GBF1: variants seen among roughly 807,000 people sequenced by gnomAD.
GBF1 encodes Golgi-specific brefeldin A-resistance guanine nucleotide exchange factor 1.
In GBF1, 114 loss-of-function variants were observed where a neutral mutation model predicts 210.5. The observed-to-expected ratio is 0.54, with a 90% confidence interval of 0.47 to 0.63. The LOEUF (loss-of-function observed/expected upper bound fraction) is 0.63, where lower values mean the gene tolerates loss of function less well. Ranked by LOEUF, GBF1 falls within the 30% of genes least tolerant of loss-of-function variation. The pLI, the probability that GBF1 is intolerant of heterozygous loss-of-function variation, is 0.00. For synonymous variants in GBF1, 850 were observed against 889.2 expected (o/e 0.96, Z 0.78); for missense variants, 1,851 against 2,357.7 (o/e 0.79, Z 4.45).
intron 3 of GBF1, among the ~76,000 whole-genome samples, chr10:102,265,618 G>A (rs538018201): frequency 6.6e-6 from 1 of 152,246 alleles, no homozygotes; most frequent in South Asian, 2.1e-4. Context: ...CCAGGAGTTC[G>A]AGGTTACAGT....
intron 24 of GBF1, 26 bp downstream of exon 24, chr10:102,369,413 GC>G (rs745824172): frequency 6.4e-7 from 1 of 1,568,604 alleles, no homozygotes; most frequent in Non-Finnish European, 8.8e-7. Flanking sequence ...AGACTAGTGA[GC>G]GATAACAAGG....
rs2059044925 is a variant in GBF1, at chr10:102,352,392, T to C, written c.524-66T>C. 4 of 1,108,794 alleles carry C rather than the reference T, an allele frequency of 3.6e-6. No homozygotes were observed. In the Admixed American group the frequency reaches 6.8e-5, roughly 19 times the overall value. 68.7% of individuals were successfully genotyped at this position (1,108,794 alleles called of 1,614,324 possible). A position where few individuals can be genotyped will look rare whatever the true frequency, so the allele number is the denominator to read the frequency against. On this transcript the variant is annotated intron_variant, in intron 6 of 39. Transcript: ENST00000369983. ...ACAAGGTTTGGAGGGGAGTCTGCTC[T>C]GAGAACCCTCTTGATAATAGCACAG...
intron 4 of GBF1, among the ~76,000 whole-genome samples, chr10:102,347,893 G>C (rs1270844944): frequency 6.6e-6 from 1 of 152,012 alleles, no homozygotes; most frequent in African/African-American, 2.4e-5. Flanking sequence ...CCTTGCCTAT[G>C]GTTCTTGTCA....
At chr10:102,314,779 C>G (rs985727789) in intron 3 of GBF1, among the ~76,000 whole-genome samples, 1 of 152,166 alleles carries the variant, frequency 6.6e-6, no homozygotes, top group Non-Finnish European at 1.5e-5. Flanking sequence ...TCTCAAACCT[C>G]CTTTTCTTCC....
At chr10:102,264,952 T>C (rs1490410777) in intron 3 of GBF1, among the ~76,000 whole-genome samples, 3 of 152,246 alleles carry the variant, frequency 2.0e-5, no homozygotes, top group Non-Finnish European at 4.4e-5. Flanking sequence ...CATTTCCTTT[T>C]ATTCTTCTAA....
chr10:102,304,693 G>A (rs1018846038), intron 3 of GBF1, among the ~76,000 whole-genome samples: 1 of 151,986 alleles, frequency 6.6e-6, no homozygotes, highest in Non-Finnish European at 1.5e-5. Context: ...AGAATTGCTT[G>A]AACCTGGGAG....
At chr10:102,301,298 G>T (rs571493961) in intron 3 of GBF1, among the ~76,000 whole-genome samples, 2 of 152,184 alleles carry the variant, frequency 1.3e-5, no homozygotes. Context: ...GGGGTTGGGG[G>T]TAAGGTTATA....
At chr10:102,359,742 C>T (rs1047458482) in intron 11 of GBF1, among the ~76,000 whole-genome samples, 7 of 151,172 alleles carry the variant, frequency 4.6e-5, no homozygotes, top group Admixed American at 2.0e-4. Flanking sequence ...AGACTAGTCC[C>T]CTCATGTCCC....
intron 22 of GBF1, 91 bp from the exon 23 acceptor site, chr10:102,368,648 C>A: frequency 1.1e-6 from 1 of 940,952 alleles, no homozygotes; most frequent in Non-Finnish European, 1.7e-6. Context: ...CTGGGACTGA[C>A]TGGGGAAGAG....
chr10:102,362,740 T>C lies in GBF1; in HGVS notation c.1876+76T>C. Reference sequence around the variant, plus strand: ...TCTCTACTCTCTGAGTCGTTTTTCCTGTCCCCATATCACTTCCCCTGGGAT... The same window carrying C: ...TCTCTACTCTCTGAGTCGTTTTTCCCGTCCCCATATCACTTCCCCTGGGAT... On this transcript the variant is annotated intron_variant, in intron 15 of 39. Coordinates refer to ENST00000369983, the MANE Select transcript of GBF1 (RefSeq NM_001377137.1). 6.2e-6 allele frequency: 7 copies of C among 1,137,386 alleles called. No individual in the cohort carries two copies. The South Asian group carries it at 9.7e-5, about 16-fold the overall frequency. The allele number at this position is 1,137,386 out of a possible 1,614,324, so 70.5% of individuals were successfully genotyped here.
chr10:102,231,464 G>T, the GBF1 span: 1 of 669,268 alleles, frequency 1.5e-6, no homozygotes, highest in African/African-American at 1.8e-5. Flanking sequence ...CTGCGGCCGG[G>T]AGCCAGGGTC....
At chr10:102,323,605 A>G (rs2056632521) in intron 3 of GBF1, among the ~76,000 whole-genome samples, 1 of 148,250 alleles carries the variant, frequency 6.7e-6, no homozygotes, top group African/African-American at 2.5e-5. Flanking sequence ...TATGTGGAGA[A>G]CGGGACCTCG....
At chr10:102,323,453 G>T (rs575606229) in intron 3 of GBF1, among the ~76,000 whole-genome samples, 16 of 152,068 alleles carry the variant, frequency 1.1e-4, no homozygotes, top group Non-Finnish European at 1.9e-4. Context: ...GAGATTAACT[G>T]CCATAATGGC....
chr10:102,273,238 A>T lies in GBF1; in HGVS notation c.163+13122A>T, dbSNP rs184395056. Among the ~76,000 whole-genome samples, 10 of 152,304 alleles carry T rather than the reference A, an allele frequency of 6.6e-5. No homozygotes were observed. The East Asian group carries it at 1.9e-3, about 29-fold the overall frequency. On this transcript the variant is annotated intron_variant, in intron 3 of 39. Transcript: ENST00000369983. ...TGCCAGCTACTCAGGAGGCTGAGGC[A>T]GGAGAATTGCTTGAACCCAGGAGGC...
At chr10:102,358,923 C>T (rs893810695) in intron 10 of GBF1, among the ~76,000 whole-genome samples, 194 bp downstream of exon 10, 1 of 152,162 alleles carries the variant, frequency 6.6e-6, no homozygotes, top group Non-Finnish European at 1.5e-5. Context: ...TGAGAGATAG[C>T]TCATGAGATT....
At chr10:102,243,755 C>T (rs180866037), upstream of GBF1, among the ~76,000 whole-genome samples, 4 of 152,200 alleles carry the variant, frequency 2.6e-5, no homozygotes, top group South Asian at 2.1e-4. Flanking sequence ...TCAGCTGGAC[C>T]CACCGACCAG....
intron 3 of GBF1, among the ~76,000 whole-genome samples, chr10:102,270,542 T>C (rs2074308397): frequency 6.6e-6 from 1 of 152,228 alleles, no homozygotes; most frequent in African/African-American, 2.4e-5. Context: ...AGAGTCAAAA[T>C]TACTAACATT....
At chr10:102,357,536 A>C (rs1412876225) in intron 8 of GBF1, among the ~76,000 whole-genome samples, 1 of 152,092 alleles carries the variant, frequency 6.6e-6, no homozygotes, top group Non-Finnish European at 1.5e-5. Flanking sequence ...CTCACATACC[A>C]GTAAGAAAAC....
At chr10:102,281,807 C>A (rs1167714989) in intron 3 of GBF1, among the ~76,000 whole-genome samples, 1 of 151,784 alleles carries the variant, frequency 6.6e-6, no homozygotes, top group Non-Finnish European at 1.5e-5. Context: ...TACTTAATGG[C>A]CTTTTTCTGT....
Sources: gnomAD v4.1 joint callset for allele counts (sites outside exome capture counted in the v4.1 genomes callset) on GRCh38, gnomAD v4.1.1 for gene constraint, MANE v1.5 for transcripts, NCBI Gene and HGNC (gene_info 2026-07-23, HGNC 2026-07-21) for gene names.